Variants in CACNA1G observed in about 807,000 individuals in gnomAD.
CACNA1G encodes the protein calcium voltage-gated channel subunit alpha1 G.
Under a neutral mutation model 219.4 loss-of-function variants are expected in CACNA1G, and 67 were observed. That is an observed-to-expected ratio of 0.31 (90% confidence interval 0.25 to 0.37). The LOEUF is 0.37. CACNA1G is among the 10% of genes least tolerant of loss of function. The pLI is 1.00. For synonymous variants in CACNA1G, 1,296 were observed against 1,345.3 expected, an observed-to-expected ratio of 0.96 and a Z score of 0.80; for missense variants, 2,380 against 3,231.4, an observed-to-expected ratio of 0.74 and a Z score of 6.39.
chr17:50,577,687 G>A (rs1453894102), intron 8 of CACNA1G, among the ~76,000 whole-genome samples: 1 of 151,924 alleles, frequency 6.6e-6, no homozygotes, highest in East Asian at 1.9e-4. Context: ...ATGTATGTGT[G>A]CCCATATGGT....
At position 50,576,266 on chromosome 17, in the gene CACNA1G, C is replaced by G; in HGVS notation, c.1864C>G (p.Leu622Val). ...ASSGPPTLTS[L>V]NIPPGPYSSM... is the part of the protein sequence containing the mutation. The stretch of plus-strand genomic sequence containing the variant: ...CTCTGGGCCCCCAACCCTCACCAGC[C>G]TCAACATCCCACCCGGGCCCTACAG... The change falls in exon 8 of 38, where the codon CTC becomes GTC. Residue 622 changes from leucine (L) to valine (V), a missense_variant. Transcript: ENST00000359106. The G allele has an allele frequency of 4.4e-6, 7 of 1,591,206 alleles. No individual in the cohort carries two copies. The highest frequency in any genetic ancestry group is 6.0e-6 in the Non-Finnish European group (7 of 1,169,602).
At chr17:50,589,313 G>T (rs1354731387) in intron 9 of CACNA1G, among the ~76,000 whole-genome samples, 2 of 151,992 alleles carry the variant, frequency 1.3e-5, no homozygotes, top group African/African-American at 4.8e-5. Context: ...TTCAAGTGCT[G>T]CCTCTCTCCC....
chr17:50,609,243 G>A (rs1341197246), intron 25 of CACNA1G, among the ~76,000 whole-genome samples: 2 of 152,122 alleles, frequency 1.3e-5, no homozygotes, highest in East Asian at 3.9e-4. Flanking sequence ...GTGGAGGTGG[G>A]AGGGGGCCTG....
intron 22 of CACNA1G, 69 bp from the exon 23 acceptor site, chr17:50,605,829 G>T: frequency 6.3e-7 from 1 of 1,575,370 alleles, no homozygotes; most frequent in Non-Finnish European, 8.7e-7. Context: ...CGTGGGGGTG[G>T]GGCTCAGGAG....
chr17:50,599,384 T>G, intron 16 of CACNA1G, 44 bp from the exon 17 acceptor site: 1 of 1,478,502 alleles, frequency 6.8e-7, no homozygotes, highest in Non-Finnish European at 9.0e-7. Context: ...AGGACAGGGC[T>G]GCTGGGCCCT....
intron 25 of CACNA1G, among the ~76,000 whole-genome samples, chr17:50,608,524 T>TAA (rs2048438042): frequency 9.0e-6 from 1 of 111,526 alleles, no homozygotes; most frequent in African/African-American, 3.6e-5. Context: ...CTTTCTACCA[T>TAA]GATATATATA....
In CACNA1G at chr17:50,600,787, G is replaced by A. The variant is rs1488635776; in HGVS notation, c.3752G>A (p.Arg1251Gln). The stretch of plus-strand genomic sequence containing the variant: ...CGACTCCCTGCCTGCTGCCTCGAGC[G>A]AGACTCCTGGTCAGCCTACATCTTC... ...RARLPACCLE[R>Q]DSWSAYIFPP... Residue 1251 changes from arginine to glutamine, a missense_variant, in exon 18 of 38, where the codon CGA (arginine) becomes CAA (glutamine). Arg to Gln is a conservative substitution (Grantham distance 43). Transcript: ENST00000359106. This position sits in a 1 kb window ranked among gnomAD's most constrained non-coding sequence, Gnocchi z 4.1. 3.7e-6 allele frequency: 6 copies of A among 1,613,892 alleles called. No homozygotes were observed. The highest frequency in any genetic ancestry group is 1.7e-5 in the Admixed American group (1 of 60,026).
At position 50,582,994 on chromosome 17, in the gene CACNA1G, G is replaced by A. The variant is rs183533209; in HGVS notation, c.2301+4430G>A. Among the ~76,000 whole-genome samples the A allele has an allele frequency of 1.8e-4, 27 of 152,278 alleles. No individual in the cohort carries two copies. The East Asian group carries it at 5.2e-3, about 29-fold the overall frequency. ...GGCTGTTCAAGGCGAGAGAAGCTGG[G>A]GGTGGGGCAGGAGGAGGTGGTCCAG... On this transcript the variant is annotated intron_variant, in intron 9 of 37. Coordinates refer to ENST00000359106, the MANE Select transcript of CACNA1G (RefSeq NM_018896.5).
At chr17:50,606,594 C>G in intron 23 of CACNA1G, 1 of 539,544 alleles carries the variant, frequency 1.9e-6, no homozygotes. Context: ...AATGAAATTG[C>G]TCGCTCAGTT....
Position 50,571,951 on chromosome 17 carries a change from C to A in CACNA1G, c.660C>A (p.Phe220Leu). 6.2e-7 allele frequency: 1 copy of A among 1,614,000 alleles called. No individual in the cohort carries two copies. The change falls in exon 5 of 38, where the codon TTC becomes TTA. Residue 220 changes from phenylalanine (F) to leucine (L), a missense_variant. Phe to Leu is a conservative substitution (Grantham distance 22). This residue lies in a region of CACNA1G where 56 missense variants were observed against 135.8 expected (regional missense o/e 0.41). Transcript: ENST00000359106. The surrounding 1 kb of genome is among the most constrained non-coding windows in gnomAD (Gnocchi z 4.3). ...GCAACGTCCTGCTGCTCTGCTTCTTCGTCTTCTTCATCTTCGGCATCGTCG... is the reference window on the plus strand; with the variant it reads ...GCAACGTCCTGCTGCTCTGCTTCTTAGTCTTCTTCATCTTCGGCATCGTCG... ...MLGNVLLLCF[F>L]VFFIFGIVGV...
Position 50,621,719 on chromosome 17 carries a change from C to T in CACNA1G, c.5985C>T (p.Ser1995=), listed in dbSNP as rs773221850. 6.4e-5 allele frequency: 103 copies of T among 1,613,768 alleles called. No individual in the cohort carries two copies. The highest frequency in any genetic ancestry group is 1.8e-4 in the Admixed American group (11 of 60,012). ...SLTSEIVSEP[S]CSLALTDDSL... is the part of the protein sequence containing the mutation. ...CGTCAGAGATTGTGTCTGAACCGTC[C>T]TGCTCTCTAGCTCTGACGGATGACT... The change falls in exon 35 of 38, where the codon TCC becomes TCT. Residue 1995 remains serine, a synonymous_variant. Transcript: ENST00000359106. This position sits in a 1 kb window ranked among gnomAD's most constrained non-coding sequence, Gnocchi z 4.6.
In CACNA1G at chr17:50,572,782, G is replaced by A. The variant is rs57260523; in HGVS notation, c.975G>A (p.Ala325=). 1,879 of 1,613,966 alleles carry A rather than the reference G, an allele frequency of 1.2e-3. 10 individuals are homozygous for A. In the African/African-American group the frequency reaches 0.019, roughly 16 times the overall value. Residue 325 remains alanine (A), a synonymous_variant, in exon 6 of 38, where the codon GCG becomes GCA. Transcript: ENST00000359106. ...NWNQYYTNCS[A]GEHNPFKGAI... The stretch of plus-strand genomic sequence containing the variant: ...ACCAGTACTACACCAACTGCTCAGC[G>A]GGGGAGCACAACCCCTTCAAGGGCG...
rs762583700 is a variant in CACNA1G at position 50,603,239 on chromosome 17, G to T, written c.4169+40G>T. On this transcript the variant is annotated intron_variant, in intron 21 of 37. Transcript: ENST00000359106. This position sits in a 1 kb window ranked among gnomAD's most constrained non-coding sequence, Gnocchi z 6.4. ...AGCACTGGAACACCTCCAAGAGGTG[G>T]CCCCCTCCGCAGGGACATCTCCCAC... 2 of 1,548,324 alleles carry T rather than the reference G, an allele frequency of 1.3e-6. No homozygotes were observed. Among genetic ancestry groups the T allele is most frequent in the East Asian group, 2.3e-5 (1 of 43,542 alleles).
intron 9 of CACNA1G, 131 bp from the exon 10 acceptor site, chr17:50,590,340 G>A: frequency 9.7e-7 from 1 of 1,030,138 alleles, no homozygotes; most frequent in Non-Finnish European, 1.4e-6. Context: ...CCATGGGCCT[G>A]AGCATCCAGC....
chr17:50,561,603 G>A lies in CACNA1G; in HGVS notation c.144G>A (p.Ala48=). 6.3e-7 allele frequency: 1 copy of A among 1,585,004 alleles called. No homozygotes were observed. The highest frequency in any genetic ancestry group is 1.1e-5 in the South Asian group (1 of 87,648). ...EKDPGSADSE[A]EGLPYPALAP... The stretch of plus-strand genomic sequence containing the variant: ...ACCCGGGCAGCGCGGACTCCGAGGC[G>A]GAGGGGCTGCCGTACCCGGCGCTGG... The change falls in exon 1 of 38, where the codon GCG becomes GCA. Residue 48 remains alanine (A), a synonymous_variant. Coordinates refer to ENST00000359106, the MANE Select transcript of CACNA1G (RefSeq NM_018896.5).
chr17:50,584,113 A>G (rs1161421543), intron 9 of CACNA1G, among the ~76,000 whole-genome samples: 4 of 152,018 alleles, frequency 2.6e-5, no homozygotes, highest in Non-Finnish European at 5.9e-5. Context: ...AGAGGAGGCG[A>G]GAGGGTTTGT....
In CACNA1G at chr17:50,603,831, G is replaced by A. The variant is rs2145867659; in HGVS notation, c.4170-324G>A. ...TGCTCCCCTACAAGTTTATCTCCTGGTGCCCCCAACCCACAATACACTGCA... is the reference window on the plus strand; with the variant it reads ...TGCTCCCCTACAAGTTTATCTCCTGATGCCCCCAACCCACAATACACTGCA... On this transcript the variant is annotated intron_variant, in intron 21 of 37. Transcript: ENST00000359106. This position sits in a 1 kb window ranked among gnomAD's most constrained non-coding sequence, Gnocchi z 6.4. Among the ~76,000 whole-genome samples, 1 of 151,864 alleles carries A rather than the reference G, an allele frequency of 6.6e-6. No homozygotes were observed. The highest frequency in any genetic ancestry group is 6.5e-5 in the Admixed American group (1 of 15,268).
intron 9 of CACNA1G, among the ~76,000 whole-genome samples, chr17:50,580,321 C>G (rs1194653915): frequency 6.6e-6 from 1 of 152,114 alleles, no homozygotes; most frequent in Admixed American, 6.5e-5. Flanking sequence ...AGCCCCTAAC[C>G]TCCCATTACT....
intron 25 of CACNA1G, 136 bp from the exon 26 acceptor site, chr17:50,609,746 G>A (rs2048783149): frequency 1.3e-5 from 9 of 681,252 alleles, no homozygotes; most frequent in Non-Finnish European, 2.2e-5. Flanking sequence ...GACATTCAGA[G>A]CCAGCCACCC....
Sources: allele counts gnomAD v4.1 joint callset (sites outside exome capture counted in the v4.1 genomes callset), GRCh38; gene constraint gnomAD v4.1.1; regional missense constraint gnomAD v4.1.1; non-coding constraint Gnocchi (gnomAD v3.1); transcripts MANE v1.5; gene names NCBI Gene and HGNC (gene_info 2026-07-23, HGNC 2026-07-21).